KCNIP4: variants seen among roughly 807,000 people sequenced by gnomAD.
KCNIP4 encodes the protein potassium voltage-gated channel interacting protein 4.
KCNIP4 carries 12 observed loss-of-function variants against 34.0 expected under a neutral mutation model. The observed-to-expected ratio is 0.35, with a 90% CI of 0.23 to 0.57. KCNIP4 has a LOEUF of 0.57. Ranked by LOEUF, KCNIP4 falls within the 20% of genes least tolerant of loss-of-function variation. The pLI, the probability that KCNIP4 is intolerant of heterozygous loss-of-function variation, is 0.83. For missense variants in KCNIP4, 238 were observed against 311.7 expected (o/e 0.76, Z 1.78); for synonymous variants, 124 against 102.2 (o/e 1.21, Z -1.29).
At chr4:21,235,760 G>A (rs750912565) in intron 1 of KCNIP4, among the ~76,000 whole-genome samples, 10 of 152,280 alleles carry the variant, frequency 6.6e-5, no homozygotes, top group Admixed American at 2.0e-4. Flanking sequence ...CACATAGCAA[G>A]GGCTCAGTTA....
intron 1 of KCNIP4, among the ~76,000 whole-genome samples, chr4:21,082,546 G>T (rs886514213): frequency 2.0e-5 from 3 of 151,700 alleles, no homozygotes; most frequent in Non-Finnish European, 2.9e-5. Context: ...ACAGACATCT[G>T]CCTTAAAGAG....
intron 1 of KCNIP4, among the ~76,000 whole-genome samples, chr4:21,552,692 C>T (rs1738678247): frequency 6.6e-6 from 1 of 152,070 alleles, no homozygotes; most frequent in South Asian, 2.1e-4. Flanking sequence ...CTGTACTTGT[C>T]ACAGCAAAGC....
intron 1 of KCNIP4, among the ~76,000 whole-genome samples, chr4:21,663,728 T>C (rs1375831140): frequency 3.3e-5 from 5 of 152,168 alleles, no homozygotes; most frequent in Non-Finnish European, 5.9e-5. Flanking sequence ...CTCTGGGACA[T>C]CCTTTCAGCA....
intron 1 of KCNIP4, among the ~76,000 whole-genome samples, chr4:21,349,257 G>A (rs1272582277): frequency 6.6e-6 from 1 of 152,158 alleles, no homozygotes. Flanking sequence ...TAAGTGCTCA[G>A]TCAATAATCA....
chr4:20,783,103 G>A (rs2149394483), intron 3 of KCNIP4, among the ~76,000 whole-genome samples: 1 of 152,254 alleles, frequency 6.6e-6, no homozygotes, highest in Non-Finnish European at 1.5e-5. Context: ...TTCCCAACAA[G>A]TTCCTCATCT....
chr4:21,028,843 A>G (rs917269187), intron 1 of KCNIP4, among the ~76,000 whole-genome samples: 3 of 152,198 alleles, frequency 2.0e-5, no homozygotes, highest in East Asian at 3.9e-4. Context: ...GAGATTCTAT[A>G]TGATGGATGC....
intron 1 of KCNIP4, among the ~76,000 whole-genome samples, chr4:21,499,894 C>T (rs944404902): frequency 3.9e-5 from 6 of 152,094 alleles, no homozygotes; most frequent in Non-Finnish European, 5.9e-5. Context: ...CATTTTATTA[C>T]CATCTTTCTC....
At chr4:21,790,365 C>A (rs2109231485) in intron 1 of KCNIP4, among the ~76,000 whole-genome samples, 1 of 152,216 alleles carries the variant, frequency 6.6e-6, no homozygotes, top group African/African-American at 2.4e-5. Flanking sequence ...TAATACGATA[C>A]TCTACACACA....
At chr4:20,734,551 A>T in intron 6 of KCNIP4, 77 bp downstream of exon 6, 1 of 706,980 alleles carries the variant, frequency 1.4e-6, no homozygotes, top group Non-Finnish European at 2.3e-6. Context: ...TTTCAAATTA[A>T]TAATTGCAAT....
At chr4:21,501,248 T>TCACACACACA (rs34406802) in intron 1 of KCNIP4, among the ~76,000 whole-genome samples, 16 of 104,286 alleles carry the variant, frequency 1.5e-4, no homozygotes, top group African/African-American at 4.9e-4. Flanking sequence ...TCTCTCTCTC[T>TCACACACACA]CACACACACA....
intron 1 of KCNIP4, among the ~76,000 whole-genome samples, chr4:20,943,374 A>G (rs545866362): frequency 6.6e-6 from 1 of 152,342 alleles, no homozygotes; most frequent in South Asian, 2.1e-4. Context: ...TTGAGCATCT[A>G]TTAATAGCTG....
At chr4:21,274,828 T>C (rs1762344327) in intron 1 of KCNIP4, among the ~76,000 whole-genome samples, 2 of 152,214 alleles carry the variant, frequency 1.3e-5, no homozygotes, top group Non-Finnish European at 2.9e-5. Context: ...GTCTGAAGTT[T>C]AGTAAAGAGG....
At chr4:21,851,362 A>G (rs1472229785) in intron 1 of KCNIP4, 1 of 152,146 alleles carries the variant, frequency 6.6e-6, no homozygotes, top group Non-Finnish European at 1.5e-5. Context: ...GGGAGAGCTA[A>G]ATAATGTGGA....
At chr4:20,796,801 A>C (rs538046632) in intron 3 of KCNIP4, among the ~76,000 whole-genome samples, 30 of 152,310 alleles carry the variant, frequency 2.0e-4, no homozygotes, top group African/African-American at 7.2e-4. Context: ...AGATGGAAAA[A>C]AACAGATTCC....
In KCNIP4 at chr4:21,636,217, CA is replaced by C. The variant is rs539446592; in HGVS notation, c.61+312353del. Among the ~76,000 whole-genome samples, 285 of 149,566 alleles carry C rather than the reference CA, an allele frequency of 1.9e-3. 1 individual carries two copies. The highest frequency in any genetic ancestry group is 6.7e-3 in the African/African-American group (269 of 40,414). On this transcript the variant is annotated intron_variant, in intron 1 of 8. Transcript: ENST00000382152. ...TGACGAGTTAGTGGGTGCAGCGCAC[CA>C]GCATGGGCACATGTATACATATGTA... is the stretch of plus-strand genomic sequence containing the variant.
chr4:21,276,271 T>A (rs1340180743), intron 1 of KCNIP4, among the ~76,000 whole-genome samples: 1 of 152,004 alleles, frequency 6.6e-6, no homozygotes, highest in Non-Finnish European at 1.5e-5. Context: ...ACTTCTAGCC[T>A]CCAGAACTGT....
At chr4:21,638,084 G>A (rs1272606922) in intron 1 of KCNIP4, among the ~76,000 whole-genome samples, 1 of 152,100 alleles carries the variant, frequency 6.6e-6, no homozygotes, top group Non-Finnish European at 1.5e-5. Flanking sequence ...TACTTTTGGA[G>A]GTTCAAAAGA....
At chr4:21,233,685 G>T (rs1051639325) in intron 1 of KCNIP4, among the ~76,000 whole-genome samples, 5 of 151,226 alleles carry the variant, frequency 3.3e-5, no homozygotes, top group Non-Finnish European at 7.4e-5. Context: ...TCTATGACCT[G>T]GGGACTGTAA....
At chr4:21,363,102 C>T (rs1194086194) in intron 1 of KCNIP4, among the ~76,000 whole-genome samples, 1 of 152,044 alleles carries the variant, frequency 6.6e-6, no homozygotes. Context: ...GAAAACAGAG[C>T]CTCAGAGAGG....
Sources: allele counts gnomAD v4.1 joint callset (sites outside exome capture counted in the v4.1 genomes callset), GRCh38; gene constraint gnomAD v4.1.1; transcripts MANE v1.5; gene names NCBI Gene and HGNC (gene_info 2026-07-23, HGNC 2026-07-21).